The following DNM3 variants were observed in gnomAD, a reference collection of about 807,000 sequenced individuals.
DNM3 encodes dynamin 3.
A neutral mutation model predicts 101.6 loss-of-function variants in DNM3; 47 were observed. That is an observed-to-expected ratio of 0.46 (90% CI 0.37 to 0.59). The LOEUF is 0.59. DNM3 is among the 20% of genes least tolerant of loss of function. DNM3 has a pLI of 0.00. For synonymous variants in DNM3, 385 were observed against 387.9 expected (o/e 0.99, Z 0.09); for missense variants, 849 against 1,085.7 (o/e 0.78, Z 3.06).
intron 13 of DNM3, among the ~76,000 whole-genome samples, chr1:172,106,901 C>T (rs375355391): frequency 1.5e-5 from 2 of 132,990 alleles, no homozygotes; most frequent in Admixed American, 7.8e-5. Context: ...TCGCCCAGGC[C>T]GGACCGCGGA....
intron 20 of DNM3, among the ~76,000 whole-genome samples, chr1:172,397,673 T>C (rs887156029): frequency 6.6e-6 from 1 of 152,228 alleles, no homozygotes; most frequent in Non-Finnish European, 1.5e-5. Context: ...ACAATATCTT[T>C]GAATAAACCC....
chr1:172,082,060 G>A lies in DNM3; in HGVS notation c.1493+158G>A, dbSNP rs569060925. 8.5e-5 allele frequency among the ~76,000 whole-genome samples: 13 copies of A among 152,326 alleles called. No individual in the cohort carries two copies. In the East Asian group the frequency reaches 1.4e-3, roughly 16 times the overall value. On this transcript the variant is annotated intron_variant, in intron 12 of 20. Coordinates refer to ENST00000627582, the MANE Select transcript of DNM3 (RefSeq NM_015569.5). ...CTTAGGAAGTCTGAGCTCCATGGTCGTAGGGCAGGGATATTTACTATTCTC... is the reference window on the plus strand; with the variant it reads ...CTTAGGAAGTCTGAGCTCCATGGTCATAGGGCAGGGATATTTACTATTCTC...
intron 14 of DNM3, among the ~76,000 whole-genome samples, chr1:172,216,531 C>T (rs905012455): frequency 4.0e-5 from 6 of 151,888 alleles, no homozygotes; most frequent in African/African-American, 9.7e-5. Context: ...TGTCTGAAGC[C>T]GAAAACTACT....
At chr1:171,986,635 T>TC (rs1254128026) in intron 2 of DNM3, among the ~76,000 whole-genome samples, 1 of 142,952 alleles carries the variant, frequency 7.0e-6, no homozygotes, top group East Asian at 2.0e-4. Context: ...ACATCTGGCT[T>TC]TTTTTTTTTT....
intron 17 of DNM3, among the ~76,000 whole-genome samples, chr1:172,345,690 C>T (rs1235327014): frequency 1.3e-5 from 2 of 152,170 alleles, no homozygotes; most frequent in African/African-American, 4.8e-5. Flanking sequence ...TTAGTTAGCA[C>T]CTTCCATGTG....
chr1:171,978,241 C>T (rs150297522), intron 2 of DNM3, among the ~76,000 whole-genome samples: 56 of 151,638 alleles, frequency 3.7e-4, no homozygotes, highest in Non-Finnish European at 5.6e-4. Context: ...CCATGTGCAC[C>T]GAAGAAAAAA....
intron 1 of DNM3, among the ~76,000 whole-genome samples, chr1:171,848,523 A>G (rs893621848): frequency 1.3e-5 from 2 of 152,220 alleles, no homozygotes; most frequent in Non-Finnish European, 2.9e-5. Context: ...TATGCCTGAG[A>G]TGGTCATCAA....
At chr1:172,018,344 T>A (rs2047591970) in intron 4 of DNM3, among the ~76,000 whole-genome samples, 1 of 152,206 alleles carries the variant, frequency 6.6e-6, no homozygotes, top group Non-Finnish European at 1.5e-5. Context: ...TTCCATTTTA[T>A]CTTCTTTCTT....
intron 1 of DNM3, among the ~76,000 whole-genome samples, chr1:171,888,529 C>T (rs375949348): frequency 6.6e-6 from 1 of 152,076 alleles, no homozygotes; most frequent in East Asian, 1.9e-4. Context: ...CTCCTGACCT[C>T]GAGTAAATAA....
chr1:172,403,120 T>C (rs7516301), intron 20 of DNM3, among the ~76,000 whole-genome samples: 64,700 of 151,974 alleles, frequency 0.43, 15,866 homozygotes, highest in East Asian at 0.63. Flanking sequence ...AACTGCCCAA[T>C]AGAAAAAATT....
intron 16 of DNM3, among the ~76,000 whole-genome samples, chr1:172,314,674 C>T (rs1183884529): frequency 2.6e-5 from 4 of 152,128 alleles, no homozygotes; most frequent in East Asian, 1.9e-4. Flanking sequence ...AAGGTGGCAG[C>T]GAGGCTGAGG....
At chr1:172,117,654 T>C (rs1366806191) in intron 13 of DNM3, among the ~76,000 whole-genome samples, 4 of 152,188 alleles carry the variant, frequency 2.6e-5, no homozygotes, top group African/African-American at 9.7e-5. Flanking sequence ...TTATCAGCAG[T>C]GTGAAAATGG....
intron 10 of DNM3, among the ~76,000 whole-genome samples, chr1:172,054,429 TC>T (rs1322419204): frequency 6.6e-6 from 1 of 152,198 alleles, no homozygotes; most frequent in Non-Finnish European, 1.5e-5. Context: ...TCAGCTGCTT[TC>T]CTTTACCTCC....
intron 14 of DNM3, among the ~76,000 whole-genome samples, chr1:172,239,475 T>C (rs922862206): frequency 4.6e-5 from 7 of 152,130 alleles, no homozygotes; most frequent in Non-Finnish European, 8.8e-5. Context: ...ATCACCTCCA[T>C]ACAGGGAGAA....
At chr1:172,066,952 T>TTGTGTGTGTG (rs61202714) in intron 10 of DNM3, among the ~76,000 whole-genome samples, 105 of 150,226 alleles carry the variant, frequency 7.0e-4, no homozygotes, top group African/African-American at 2.4e-3. Flanking sequence ...GTCTCTGTGT[T>TTGTGTGTGTG]TGTGTGTGTG....
intron 13 of DNM3, among the ~76,000 whole-genome samples, chr1:172,127,864 C>G (rs2056729901): frequency 1.3e-5 from 2 of 152,164 alleles, no homozygotes; most frequent in South Asian, 4.2e-4. Context: ...TAACTGTCTT[C>G]CTCTGGGAAG....
intron 1 of DNM3, among the ~76,000 whole-genome samples, chr1:171,900,311 A>T (rs1372555119): frequency 6.6e-6 from 1 of 152,142 alleles, no homozygotes. Flanking sequence ...TTGGGGCTGC[A>T]GATTCACGGG....
chr1:172,332,347 T>C (rs949862624), intron 17 of DNM3, among the ~76,000 whole-genome samples: 2 of 152,200 alleles, frequency 1.3e-5, no homozygotes, highest in African/African-American at 4.8e-5. Flanking sequence ...TCTCACTCTG[T>C]CACTGAGGCT....
intron 13 of DNM3, among the ~76,000 whole-genome samples, chr1:172,107,263 C>T (rs1323601157): frequency 6.6e-6 from 1 of 152,166 alleles, no homozygotes; most frequent in Non-Finnish European, 1.5e-5. Context: ...ATACTGTGTA[C>T]TTTATTCCTG....
Sources: gnomAD v4.1 joint callset for allele counts (sites outside exome capture counted in the v4.1 genomes callset) on GRCh38, gnomAD v4.1.1 for gene constraint, MANE v1.5 for transcripts, NCBI Gene and HGNC (gene_info 2026-07-23, HGNC 2026-07-21) for gene names.